Variants in CTNNAL1 observed in about 807,000 individuals in gnomAD.
CTNNAL1 encodes alpha-catulin.
CTNNAL1 carries 69 observed loss-of-function variants against 93.6 expected under a neutral mutation model. That is an observed-to-expected ratio of 0.74 (90% CI 0.61 to 0.90). The LOEUF (loss-of-function observed/expected upper bound fraction) is 0.90, where lower values mean the gene tolerates loss of function less well. CTNNAL1 is among the 40% of genes least tolerant of loss of function. The probability of loss-of-function intolerance (pLI) is 0.00; values close to 1 mark genes in which losing one functional copy is unlikely to be tolerated. For missense variants in CTNNAL1, 836 were observed against 862.0 expected (o/e 0.97, Z 0.38); for synonymous variants, 286 against 305.4 (o/e 0.94, Z 0.66).
intron 1 of CTNNAL1, among the ~76,000 whole-genome samples, chr9:109,005,597 C>T (rs896083795): frequency 1.3e-5 from 2 of 152,196 alleles, no homozygotes; most frequent in South Asian, 2.1e-4. Context: ...GAATGTGGAC[C>T]CTCACTGGAT....
intron 2 of CTNNAL1, among the ~76,000 whole-genome samples, chr9:108,996,085 C>T (rs1342277349): frequency 6.6e-6 from 1 of 151,978 alleles, no homozygotes. Flanking sequence ...ATCTCAGCCT[C>T]CCAAGTAGCT....
chr9:108,982,264 G>C lies in CTNNAL1; in HGVS notation c.900+881C>G, dbSNP rs80280053. On this transcript the variant is annotated intron_variant, in intron 6 of 18. Coordinates refer to ENST00000325551, the MANE Select transcript of CTNNAL1 (RefSeq NM_003798.4). ...TTTCTGTTTCTCAAGCTCCTCAACA[G>C]TGTAATGGAAATAATAGCAATAGTT... Among the ~76,000 whole-genome samples, 72 of 152,274 alleles carry C rather than the reference G, an allele frequency of 4.7e-4. No individual in the cohort carries two copies. The East Asian group carries it at 0.013, about 27-fold the overall frequency.
chr9:109,009,553 CTA>C (rs1170124426), intron 1 of CTNNAL1, among the ~76,000 whole-genome samples: 1 of 152,058 alleles, frequency 6.6e-6, no homozygotes, highest in Non-Finnish European at 1.5e-5. Context: ...TATCACAGGT[CTA>C]TGTTTTTCAA....
intron 5 of CTNNAL1, 92 bp from the exon 6 acceptor site, chr9:108,983,407 G>C (rs894231078): frequency 1.0e-5 from 13 of 1,278,020 alleles, no homozygotes; most frequent in Non-Finnish European, 1.3e-5. Flanking sequence ...TAAGAAAAAT[G>C]GTTCTTTACC....
At chr9:108,993,850 T>C (rs1831906737) in intron 2 of CTNNAL1, among the ~76,000 whole-genome samples, 1 of 152,230 alleles carries the variant, frequency 6.6e-6, no homozygotes. Flanking sequence ...CACAATAATG[T>C]GTCAGCTCAT....
chr9:109,003,610 A>AT (rs953036624), intron 1 of CTNNAL1, among the ~76,000 whole-genome samples: 15 of 151,930 alleles, frequency 9.9e-5, no homozygotes, highest in Non-Finnish European at 1.0e-4. Context: ...AGTGGCTCCT[A>AT]TTTTTTTTCC....
intron 6 of CTNNAL1, among the ~76,000 whole-genome samples, chr9:108,981,030 T>C (rs905848517): frequency 2.6e-5 from 4 of 152,214 alleles, no homozygotes; most frequent in Non-Finnish European, 5.9e-5. Context: ...TCATGGACAG[T>C]GAGACTGAGC....
intron 10 of CTNNAL1, among the ~76,000 whole-genome samples, chr9:108,969,821 TTTTG>T (rs145646991): frequency 0.026 from 3,883 of 152,060 alleles, 159 homozygotes; most frequent in African/African-American, 0.09. Context: ...CATGGGTAAT[TTTTG>T]TTTGTTTGTT....
intron 8 of CTNNAL1, among the ~76,000 whole-genome samples, chr9:108,976,309 T>G (rs1226472487): frequency 6.6e-6 from 1 of 152,204 alleles, no homozygotes; most frequent in Non-Finnish European, 1.5e-5. Flanking sequence ...TCTTAGTGAT[T>G]CATCCATATT....
At chr9:108,950,185 T>G (rs1830519556) in intron 14 of CTNNAL1, among the ~76,000 whole-genome samples, 1 of 152,236 alleles carries the variant, frequency 6.6e-6, no homozygotes. Flanking sequence ...AATAACTAGC[T>G]TGATTCCAGC....
At chr9:108,952,949 G>A (rs1013947967) in intron 12 of CTNNAL1, among the ~76,000 whole-genome samples, 1 of 152,160 alleles carries the variant, frequency 6.6e-6, no homozygotes, top group Non-Finnish European at 1.5e-5. Context: ...CTTATGTTAT[G>A]ACTCCAGAAT....
chr9:108,953,688 G>A (rs938260699), intron 12 of CTNNAL1, among the ~76,000 whole-genome samples: 1 of 152,112 alleles, frequency 6.6e-6, no homozygotes, highest in Non-Finnish European at 1.5e-5. Context: ...AAACAGCCTC[G>A]TGGAGTTTAG....
intron 4 of CTNNAL1, among the ~76,000 whole-genome samples, chr9:108,990,122 C>A (rs1030442299): frequency 6.6e-6 from 1 of 152,134 alleles, no homozygotes; most frequent in Non-Finnish European, 1.5e-5. Flanking sequence ...ACTTTAGAAT[C>A]AGATATAACT....
Position 109,008,818 on chromosome 9 carries a change from G to T in CTNNAL1, c.141+4484C>A, listed in dbSNP as rs564278735. 7.4e-4 allele frequency among the ~76,000 whole-genome samples: 101 copies of T among 135,956 alleles called. 3 individuals are homozygous for T. In the South Asian group the frequency reaches 0.024, roughly 32 times the overall value. 89.2% of individuals were successfully genotyped at this position (135,956 alleles called of 152,430 possible). On this transcript the variant is annotated intron_variant, in intron 1 of 18. Coordinates refer to ENST00000325551, the MANE Select transcript of CTNNAL1 (RefSeq NM_003798.4). ...TACAAATCATTTGTTGGTTATTTGT[G>T]TTGGAATCATATTCTCCCACTTAAT...
chr9:108,984,087 A>G (rs192311995), intron 5 of CTNNAL1, among the ~76,000 whole-genome samples: 216 of 152,350 alleles, frequency 1.4e-3, no homozygotes, highest in Non-Finnish European at 2.5e-3. Flanking sequence ...ACCATGTGTG[A>G]CAGGCCTTAA....
At chr9:108,986,921 T>G (rs1412024926) in intron 4 of CTNNAL1, among the ~76,000 whole-genome samples, 78 of 152,074 alleles carry the variant, frequency 5.1e-4, no homozygotes, top group African/African-American at 1.1e-3. Context: ...GTAGATTCTG[T>G]ATATTAGCCC....
intron 1 of CTNNAL1, among the ~76,000 whole-genome samples, chr9:109,012,098 T>C (rs1827220915): frequency 2.6e-5 from 4 of 152,188 alleles, no homozygotes; most frequent in South Asian, 2.1e-4. Flanking sequence ...GTGTCAGATA[T>C]ATTCATCACT....
At chr9:108,973,169 T>C (rs1448296304) in intron 8 of CTNNAL1, among the ~76,000 whole-genome samples, 1 of 152,178 alleles carries the variant, frequency 6.6e-6, no homozygotes, top group Non-Finnish European at 1.5e-5. Context: ...CCCTTGTCCC[T>C]TTTTCATTCT....
At chr9:108,990,590 A>G (rs746673218) in intron 4 of CTNNAL1, 136 bp downstream of exon 4, 38 of 1,056,326 alleles carry the variant, frequency 3.6e-5, no homozygotes, top group Admixed American at 2.3e-4. Context: ...TGGCTTATCT[A>G]TGAAAGGCTT....
Sources: allele counts gnomAD v4.1 joint callset (sites outside exome capture counted in the v4.1 genomes callset), GRCh38; gene constraint gnomAD v4.1.1; transcripts MANE v1.5; gene names NCBI Gene and HGNC (gene_info 2026-07-23, HGNC 2026-07-21).